Variants in FRMD8 observed in about 807,000 individuals in gnomAD.
FRMD8 encodes FERM domain containing 8.
A neutral mutation model predicts 54.2 loss-of-function variants in FRMD8; 37 were observed. The observed-to-expected ratio is 0.68, with a 90% CI of 0.53 to 0.90. The LOEUF is 0.90. FRMD8 is among the 40% of genes least tolerant of loss of function. The pLI, the probability that FRMD8 is intolerant of heterozygous loss-of-function variation, is 0.00. For synonymous variants in FRMD8, 246 were observed against 286.9 expected (o/e 0.86, Z 1.44); for missense variants, 585 against 653.7 (o/e 0.89, Z 1.15).
intron 10 of FRMD8, among the ~76,000 whole-genome samples, chr11:65,408,346 T>C (rs1856255030): frequency 6.6e-6 from 1 of 152,082 alleles, no homozygotes; most frequent in South Asian, 2.1e-4. Flanking sequence ...AGTGCTGGGA[T>C]TACAGTCGTG....
At chr11:65,405,165 A>G (rs1189198477) in intron 10 of FRMD8, 97 bp downstream of exon 10, 5 of 1,210,346 alleles carry the variant, frequency 4.1e-6, no homozygotes, top group Admixed American at 1.9e-5. Flanking sequence ...GAGCAGCTCC[A>G]GACCCAGTGT....
chr11:65,393,912 C>G, intron 4 of FRMD8, 129 bp from the exon 5 acceptor site: 1 of 986,564 alleles, frequency 1.0e-6, no homozygotes, highest in South Asian at 1.4e-5. Flanking sequence ...CACACTCCAC[C>G]CTCTGCACGG....
chr11:65,382,154 G>A (rs1352825824), upstream of FRMD8: 3 of 617,928 alleles, frequency 4.9e-6, no homozygotes, highest in Non-Finnish European at 5.9e-6. The surrounding 1 kb of genome is among the most constrained non-coding windows in gnomAD (Gnocchi z 4.4). Flanking sequence ...TGGAGGAGTC[G>A]TGCAGAGTAC....
chr11:65,386,854 G>C (rs1855742318), intron 1 of FRMD8, 93 bp downstream of exon 1: 2 of 612,468 alleles, frequency 3.3e-6, no homozygotes, highest in Non-Finnish European at 5.7e-6. Flanking sequence ...CCCGGTTCTT[G>C]ACCGTAGCAA....
rs1298569293 is a variant in FRMD8, at chr11:65,386,743, G to T, written c.-19G>T. ...CAGGAGCCTTGCCTCTCAGGTGGCG[G>T]GCTCTGCGACCCTGCGAGGTGAGAG... On this transcript the variant is annotated 5_prime_UTR_variant, in exon 1 of 11. Transcript: ENST00000317568. 4.8e-6 allele frequency: 2 copies of T among 415,674 alleles called. No individual in the cohort carries two copies. Among genetic ancestry groups the T allele is most frequent in the Non-Finnish European group, 8.6e-6 (2 of 233,126 alleles). 25.7% of individuals were successfully genotyped at this position (415,674 alleles called of 1,614,324 possible).
chr11:65,389,561 G>A (rs947804202), intron 3 of FRMD8, 33 bp downstream of exon 3: 18 of 1,537,862 alleles, frequency 1.2e-5, no homozygotes, highest in Non-Finnish European at 1.6e-5. Context: ...CCAGGCTGGA[G>A]GGTTGGAAGG....
At chr11:65,401,348 CTCCCTCCCCTGCCTCCCTCCCCTGCT>C in intron 9 of FRMD8, among the ~76,000 whole-genome samples, 2 of 122,362 alleles carry the variant, frequency 1.6e-5, no homozygotes, top group African/African-American at 3.3e-5. Context: ...CCTCCCCTGC[CTCCCTCCCCTGCCTCCCTCCCCTGCT>C]TCCCTCCCCA....
At chr11:65,407,871 G>A (rs760900990) in intron 10 of FRMD8, among the ~76,000 whole-genome samples, 11 of 125,592 alleles carry the variant, frequency 8.8e-5, no homozygotes, top group Admixed American at 2.6e-4. Context: ...GCGACAGAGC[G>A]AGACTCTGTC....
chr11:65,377,178 C>T, the FRMD8 span: 258 of 1,478,942 alleles, frequency 1.7e-4, no homozygotes, highest in African/African-American at 2.9e-3. Context: ...CCACATCTTC[C>T]AGTCCCTCAG....
chr11:65,410,983 T>C (rs141779810), intron 10 of FRMD8, among the ~76,000 whole-genome samples: 11 of 152,340 alleles, frequency 7.2e-5, no homozygotes, highest in Admixed American at 7.2e-4. Context: ...TGCATTTAGT[T>C]GTCACGTCTC....
Position 65,404,934 on chromosome 11 carries a change from A to T in FRMD8, c.1142A>T (p.Gln381Leu), listed in dbSNP as rs774004540. ...LSQAAEPAGP[Q>L]DSATGSPSDP... ...CAGGCGGCGGAGCCCGCAGGCCCCC[A>T]GGACAGTGCGACTGGCTCGCCCTCG... Residue 381 changes from glutamine to leucine, a missense_variant, in exon 10 of 11, where the codon CAG becomes CTG. By Grantham distance (113) the Gln-to-Leu change is moderately radical. Transcript: ENST00000317568. The surrounding 1 kb of genome is among the most constrained non-coding windows in gnomAD (Gnocchi z 4.7). 11 of 1,613,170 alleles carry T rather than the reference A, an allele frequency of 6.8e-6. No individual in the cohort carries two copies. Among genetic ancestry groups the T allele is most frequent in the Non-Finnish European group, 9.3e-6 (11 of 1,180,020 alleles).
intron 2 of FRMD8, among the ~76,000 whole-genome samples, chr11:65,388,596 T>C (rs1425740983): frequency 6.6e-6 from 1 of 152,022 alleles, no homozygotes; most frequent in African/African-American, 2.4e-5. Flanking sequence ...ATGCCTGCAG[T>C]CTCAGGGATG....
chr11:65,396,254 C>T (rs537105612), intron 6 of FRMD8, among the ~76,000 whole-genome samples: 4 of 152,316 alleles, frequency 2.6e-5, no homozygotes, highest in East Asian at 1.9e-4. Flanking sequence ...CAGAGGCTGC[C>T]GGCTCAGGCA....
upstream of FRMD8, chr11:65,381,697 G>A (rs1855567707): frequency 3.6e-6 from 2 of 554,222 alleles, no homozygotes. Flanking sequence ...TGGGACTACA[G>A]GTGTGAGCCA....
the FRMD8 span, chr11:65,377,429 C>T: frequency 9.1e-5 from 99 of 1,093,890 alleles, no homozygotes; most frequent in East Asian, 8.9e-4. Context: ...CATACCTGTA[C>T]GGTGGGCAGG....
upstream of FRMD8, among the ~76,000 whole-genome samples, chr11:65,386,440 G>C (rs1187717041): frequency 1.3e-5 from 2 of 152,234 alleles, no homozygotes; most frequent in Non-Finnish European, 2.9e-5. Context: ...CTTTGTGAAG[G>C]GAAACTCGCT....
intron 10 of FRMD8, among the ~76,000 whole-genome samples, chr11:65,408,510 C>G (rs543644211): frequency 1.3e-5 from 2 of 151,786 alleles, no homozygotes; most frequent in Non-Finnish European, 2.9e-5. Context: ...CAGTTTTCAG[C>G]GTTCAGCTCT....
At position 65,412,934 on chromosome 11, in the gene FRMD8, C is replaced by T. The variant is rs1856367763; in HGVS notation, c.*1574C>T. On this transcript the variant is annotated 3_prime_UTR_variant, in exon 11 of 11. Coordinates refer to ENST00000317568, the MANE Select transcript of FRMD8 (RefSeq NM_031904.5). The stretch of plus-strand genomic sequence containing the variant: ...CGGTCTTGCGGAGCTGCCCGCCTGC[C>T]TGTTCTGGCGGCTCCAGCGCAGGCT... 1 of 152,238 alleles carries T rather than the reference C, an allele frequency of 6.6e-6. No homozygotes were observed. The highest frequency in any genetic ancestry group is 1.5e-5 in the Non-Finnish European group (1 of 68,058). 9.4% of individuals were successfully genotyped at this position (152,238 alleles called of 1,614,324 possible).
chr11:65,401,430 C>T (rs559348512), intron 9 of FRMD8, among the ~76,000 whole-genome samples: 2 of 141,204 alleles, frequency 1.4e-5, no homozygotes, highest in African/African-American at 5.3e-5. Flanking sequence ...TCACATCAGA[C>T]GCCCCTCCCT....
Sources: gnomAD v4.1 joint callset for allele counts (sites outside exome capture counted in the v4.1 genomes callset) on GRCh38, gnomAD v4.1.1 for gene constraint, Gnocchi (gnomAD v3.1) non-coding constraint, MANE v1.5 for transcripts, NCBI Gene and HGNC (gene_info 2026-07-23, HGNC 2026-07-21) for gene names.